The following SLC44A5 variants were observed in gnomAD, a reference collection of about 807,000 sequenced individuals.
The protein encoded by SLC44A5 is solute carrier family 44 member 5, also known as choline transporter-like protein 5.
Under a neutral mutation model 101.8 loss-of-function variants are expected in SLC44A5, and 57 were observed. The ratio of observed to expected loss-of-function variants is 0.56; its 90% CI spans 0.45 to 0.70. The LOEUF is 0.70. SLC44A5 is among the 30% of genes least tolerant of loss of function. The pLI, the probability that SLC44A5 is intolerant of heterozygous loss-of-function variation, is 0.00. For synonymous variants in SLC44A5, 281 were observed against 290.9 expected (o/e 0.97, Z 0.35); for missense variants, 737 against 853.1 (o/e 0.86, Z 1.70).
chr1:75,499,692 C>G (rs1436825281), intron 2 of SLC44A5, among the ~76,000 whole-genome samples: 2 of 152,198 alleles, frequency 1.3e-5, no homozygotes, highest in Non-Finnish European at 2.9e-5. Context: ...CTATCTCTTT[C>G]TCTTCTTATT....
chr1:75,241,039 T>A (rs1156412601), intron 9 of SLC44A5, among the ~76,000 whole-genome samples: 1 of 151,274 alleles, frequency 6.6e-6, no homozygotes, highest in Non-Finnish European at 1.5e-5. Context: ...ATTTAATAAT[T>A]CTAAAATATT....
intron 3 of SLC44A5, among the ~76,000 whole-genome samples, chr1:75,384,637 AG>A (rs753839302): frequency 1.5e-3 from 176 of 115,244 alleles, no homozygotes; most frequent in Middle Eastern, 0.012. Context: ...TGTCAACATT[AG>A]ACAGATCAAT....
chr1:75,524,903 C>T lies in SLC44A5; in HGVS notation c.13+16532G>A, dbSNP rs149087547. ...AGTTCACTGGCTGTTGAAATTACAG[C>T]TGATGATTTTGGTTTTTCTCTATAT... is the stretch of plus-strand genomic sequence containing the variant. On this transcript the variant is annotated intron_variant, in intron 2 of 23. Transcript: ENST00000370859. 5.8e-3 allele frequency among the ~76,000 whole-genome samples: 881 copies of T among 152,072 alleles called. 4 individuals carry two copies. The highest frequency in any genetic ancestry group is 0.02 in the African/African-American group (843 of 41,478).
At chr1:75,460,307 T>C (rs1209066162) in intron 2 of SLC44A5, among the ~76,000 whole-genome samples, 2 of 152,216 alleles carry the variant, frequency 1.3e-5, no homozygotes, top group Admixed American at 1.3e-4. Context: ...CAACTTTATT[T>C]GGAATGAATT....
chr1:75,283,076 C>A (rs1333757240), intron 5 of SLC44A5, among the ~76,000 whole-genome samples: 1 of 152,146 alleles, frequency 6.6e-6, no homozygotes, highest in Non-Finnish European at 1.5e-5. Context: ...TTTAAGGAAT[C>A]TCCACACTGT....
the SLC44A5 span, among the ~76,000 whole-genome samples, chr1:75,653,006 T>A: frequency 5.3e-5 from 8 of 152,214 alleles, no homozygotes; most frequent in African/African-American, 1.9e-4. Flanking sequence ...CTGGATATGC[T>A]ATGCCATCTG....
chr1:75,610,929 G>A (rs966260579), intron 1 of SLC44A5, 111 bp downstream of exon 1: 116 of 195,848 alleles, frequency 5.9e-4, no homozygotes, highest in Non-Finnish European at 9.8e-4. Flanking sequence ...CTATATATAT[G>A]TGTGTGTGTG....
chr1:75,588,048 A>G (rs1261745214), intron 1 of SLC44A5, among the ~76,000 whole-genome samples: 3 of 152,204 alleles, frequency 2.0e-5, no homozygotes, highest in Non-Finnish European at 2.9e-5. Context: ...CAGGACAAAG[A>G]AAAAGGAGTG....
At chr1:75,677,381 G>C in the SLC44A5 span, among the ~76,000 whole-genome samples, 1 of 152,150 alleles carries the variant, frequency 6.6e-6, no homozygotes, top group Admixed American at 6.5e-5. Context: ...TTATTAATTT[G>C]TTTAAGCAAT....
chr1:75,692,522 A>G, the SLC44A5 span, among the ~76,000 whole-genome samples: 1 of 152,112 alleles, frequency 6.6e-6, no homozygotes, highest in Admixed American at 6.6e-5. Flanking sequence ...GCAGAAGTAG[A>G]AGGGTTGACC....
chr1:75,686,094 AC>A, the SLC44A5 span, among the ~76,000 whole-genome samples: 2 of 151,974 alleles, frequency 1.3e-5, no homozygotes, highest in African/African-American at 4.8e-5. Flanking sequence ...GAGGGTAACC[AC>A]CCCCATGGTT....
the SLC44A5 span, among the ~76,000 whole-genome samples, chr1:75,681,353 C>T: frequency 2.0e-5 from 3 of 152,084 alleles, no homozygotes; most frequent in African/African-American, 4.8e-5. Context: ...ATGCACAAAT[C>T]CTCAATAAAA....
At chr1:75,692,950 G>T in the SLC44A5 span, among the ~76,000 whole-genome samples, 1 of 152,086 alleles carries the variant, frequency 6.6e-6, no homozygotes, top group Non-Finnish European at 1.5e-5. Context: ...TGAGAATAGT[G>T]AAGGAAAAAG....
intron 3 of SLC44A5, among the ~76,000 whole-genome samples, chr1:75,385,047 C>T (rs545992590): frequency 2.0e-5 from 3 of 152,334 alleles, no homozygotes; most frequent in African/African-American, 7.2e-5. Context: ...CTCTGGGACA[C>T]ATTCAAAGCA....
chr1:75,723,725 T>G, the SLC44A5 span: 1 of 152,216 alleles, frequency 6.6e-6, no homozygotes, highest in Admixed American at 6.5e-5. Context: ...TCTTTATCCC[T>G]TTTCCGAATT....
chr1:75,505,045 G>GTGTC (rs1230627855), intron 2 of SLC44A5, among the ~76,000 whole-genome samples: 2 of 151,724 alleles, frequency 1.3e-5, no homozygotes, highest in Admixed American at 6.6e-5. Context: ...TCCCATCTTT[G>GTGTC]TGTCCATAGG....
the SLC44A5 span, among the ~76,000 whole-genome samples, chr1:75,625,658 T>G: frequency 1.0e-3 from 156 of 152,248 alleles, 3 homozygotes; most frequent in Non-Finnish European, 3.1e-4. Context: ...GAGCCCCTAT[T>G]TGGGCCAGTG....
intron 5 of SLC44A5, among the ~76,000 whole-genome samples, chr1:75,277,122 G>A (rs1651985453): frequency 6.6e-6 from 1 of 152,120 alleles, no homozygotes; most frequent in Non-Finnish European, 1.5e-5. Flanking sequence ...AGAAATACAC[G>A]AAAAGGGGAG....
chr1:75,250,131 C>A (rs1038720144), intron 7 of SLC44A5, among the ~76,000 whole-genome samples: 1 of 152,008 alleles, frequency 6.6e-6, no homozygotes. Context: ...TCGTTGTTTT[C>A]CCTGATCTTC....
Sources: allele counts gnomAD v4.1 joint callset (sites outside exome capture counted in the v4.1 genomes callset), GRCh38; gene constraint gnomAD v4.1.1; transcripts MANE v1.5; gene names NCBI Gene and HGNC (gene_info 2026-07-23, HGNC 2026-07-21).